DNAJC1: variants seen among roughly 807,000 people sequenced by gnomAD.
DNAJC1 encodes the protein DnaJ heat shock protein family (Hsp40) member C1.
In DNAJC1, 58 loss-of-function variants were observed where a neutral mutation model predicts 76.6. The ratio of observed to expected loss-of-function variants is 0.76; its 90% CI spans 0.61 to 0.94. The LOEUF (loss-of-function observed/expected upper bound fraction) is 0.94. Among genes scored for constraint, DNAJC1 ranks in the 40% least tolerant of loss-of-function variants. The probability of loss-of-function intolerance (pLI) is 0.00; values close to 1 mark genes in which losing one functional copy is unlikely to be tolerated. For synonymous variants in DNAJC1, 258 were observed against 267.9 expected (o/e 0.96, Z 0.36); for missense variants, 689 against 677.3 (o/e 1.02, Z -0.19).
intron 1 of DNAJC1, among the ~76,000 whole-genome samples, chr10:21,973,912 G>A (rs942403741): frequency 4.0e-5 from 6 of 151,796 alleles, no homozygotes; most frequent in African/African-American, 1.2e-4. Flanking sequence ...AGACCAGACT[G>A]GGCAACATGG....
chr10:21,921,961 T>C lies in DNAJC1; in HGVS notation c.372-998A>G, dbSNP rs1837050368. Among the ~76,000 whole-genome samples the C allele has an allele frequency of 2.0e-5, 3 of 152,126 alleles. No individual in the cohort carries two copies. The South Asian group carries it at 6.2e-4, about 31-fold the overall frequency. ...CTCATTAAATATTCTAATCACACTA[T>C]TTCCAGAATTAAATCTTCACTGAAA... On this transcript the variant is annotated intron_variant, in intron 3 of 11. Transcript: ENST00000376980.
chr10:21,898,492 T>C (rs1178211650), intron 7 of DNAJC1, among the ~76,000 whole-genome samples: 1 of 152,066 alleles, frequency 6.6e-6, no homozygotes, highest in Non-Finnish European at 1.5e-5. Flanking sequence ...GTGCACAGTA[T>C]ATAACACTTG....
chr10:21,972,850 T>C (rs1005224854), intron 1 of DNAJC1, among the ~76,000 whole-genome samples: 3 of 152,046 alleles, frequency 2.0e-5, no homozygotes, highest in African/African-American at 7.2e-5. Context: ...GTATTTCAGG[T>C]TGAAAATAGA....
intron 6 of DNAJC1, among the ~76,000 whole-genome samples, chr10:21,909,876 T>C (rs753899550): frequency 5.3e-5 from 8 of 152,204 alleles, no homozygotes; most frequent in Non-Finnish European, 1.0e-4. Context: ...AATGCCCACT[T>C]TCCTATCAAC....
chr10:21,898,551 CTTT>C (rs1284887784), intron 7 of DNAJC1, among the ~76,000 whole-genome samples: 2 of 137,316 alleles, frequency 1.5e-5, no homozygotes, highest in Non-Finnish European at 3.2e-5. Context: ...CTATACTATA[CTTT>C]TTTTTTTTTT....
At chr10:21,768,425 C>A (rs1217139806) in intron 9 of DNAJC1, among the ~76,000 whole-genome samples, 2 of 152,158 alleles carry the variant, frequency 1.3e-5, no homozygotes, top group Non-Finnish European at 2.9e-5. Context: ...TAACAGACAG[C>A]AATTTTCCAT....
chr10:21,867,055 T>C (rs528627115), intron 8 of DNAJC1, among the ~76,000 whole-genome samples: 2 of 152,214 alleles, frequency 1.3e-5, no homozygotes, highest in South Asian at 4.1e-4. Flanking sequence ...AATACCTATA[T>C]TACAAGAAAG....
At chr10:21,777,035 T>A (rs906556087) in intron 9 of DNAJC1, among the ~76,000 whole-genome samples, 18 of 152,190 alleles carry the variant, frequency 1.2e-4, no homozygotes, top group Non-Finnish European at 2.1e-4. Flanking sequence ...TAACTATACA[T>A]AATAAGGTGC....
intron 6 of DNAJC1, among the ~76,000 whole-genome samples, chr10:21,906,115 C>G (rs1445491547): frequency 6.6e-6 from 1 of 152,098 alleles, no homozygotes; most frequent in East Asian, 1.9e-4. Context: ...ATCATTGAAT[C>G]AATACAATAC....
chr10:21,950,179 T>G (rs1395833724), intron 1 of DNAJC1, among the ~76,000 whole-genome samples: 2 of 152,190 alleles, frequency 1.3e-5, no homozygotes, highest in Non-Finnish European at 2.9e-5. Flanking sequence ...GTGGCAATCC[T>G]GAGCCAATCA....
At chr10:21,984,826 A>T (rs1465817298) in intron 1 of DNAJC1, among the ~76,000 whole-genome samples, 1 of 152,220 alleles carries the variant, frequency 6.6e-6, no homozygotes, top group Non-Finnish European at 1.5e-5. Flanking sequence ...ACATAGTGAG[A>T]CCAAGTTCTG....
chr10:21,840,180 G>T (rs1446325403), intron 8 of DNAJC1, among the ~76,000 whole-genome samples: 1 of 152,142 alleles, frequency 6.6e-6, no homozygotes, highest in African/African-American at 2.4e-5. Context: ...CATTCCCTTT[G>T]AAAACTGGCA....
rs1369784033 is a variant in DNAJC1, at chr10:21,756,571, T to A, written c.*116A>T. ...ACTCATCTTTTATTTATTTATTATT[T>A]TTTTTTACTAAGGCACATGACGTAG... is the stretch of plus-strand genomic sequence containing the variant. On this transcript the variant is annotated 3_prime_UTR_variant, in exon 12 of 12. Transcript: ENST00000376980. 1.2e-5 allele frequency: 8 copies of A among 689,844 alleles called. No homozygotes were observed. Among genetic ancestry groups the A allele is most frequent in the South Asian group, 8.8e-5 (5 of 56,528 alleles). 42.7% of individuals were successfully genotyped at this position (689,844 alleles called of 1,614,324 possible).
intron 8 of DNAJC1, among the ~76,000 whole-genome samples, chr10:21,824,970 T>A (rs1416130105): frequency 1.3e-5 from 2 of 152,020 alleles, no homozygotes; most frequent in African/African-American, 4.8e-5. Context: ...GAGACGGGGT[T>A]TCATCACCTT....
chr10:21,966,415 G>T, intron 1 of DNAJC1, among the ~76,000 whole-genome samples: 1 of 138,006 alleles, frequency 7.2e-6, no homozygotes, highest in African/African-American at 2.7e-5. Flanking sequence ...GTAAATGCTG[G>T]GGTGTTTATC....
intron 1 of DNAJC1, among the ~76,000 whole-genome samples, chr10:21,996,927 G>T (rs1049002467): frequency 2.0e-5 from 3 of 152,064 alleles, no homozygotes; most frequent in Non-Finnish European, 4.4e-5. Context: ...CGCTATGCAT[G>T]CCTACATCAG....
intron 8 of DNAJC1, among the ~76,000 whole-genome samples, chr10:21,832,642 T>C (rs1245585010): frequency 1.3e-5 from 2 of 152,192 alleles, no homozygotes; most frequent in African/African-American, 2.4e-5. Flanking sequence ...TTGTCCAGTC[T>C]CTCCCCTGGT....
At chr10:21,909,033 CCCA>C (rs1480796818) in intron 6 of DNAJC1, among the ~76,000 whole-genome samples, 1 of 152,066 alleles carries the variant, frequency 6.6e-6, no homozygotes, top group Non-Finnish European at 1.5e-5. Flanking sequence ...ATAACAGGTG[CCCA>C]CCACCACGTC....
intron 9 of DNAJC1, among the ~76,000 whole-genome samples, chr10:21,803,040 C>T (rs1433543043): frequency 6.6e-6 from 1 of 151,968 alleles, no homozygotes; most frequent in Non-Finnish European, 1.5e-5. Flanking sequence ...AAAAATATTG[C>T]TTGTGTTTAT....
Sources: gnomAD v4.1 joint callset for allele counts (sites outside exome capture counted in the v4.1 genomes callset) on GRCh38, gnomAD v4.1.1 for gene constraint, MANE v1.5 for transcripts, NCBI Gene and HGNC (gene_info 2026-07-23, HGNC 2026-07-21) for gene names.